The following RCN3 variants were observed in gnomAD, a reference collection of about 807,000 sequenced individuals.
RCN3 encodes reticulocalbin 3, also known as reticulocalbin-3.
A neutral mutation model predicts 35.9 loss-of-function variants in RCN3; 41 were observed. The ratio of observed to expected loss-of-function variants is 1.14; its 90% CI spans 0.89 to 1.48. RCN3 has a LOEUF of 1.48. RCN3 is among the 40% of genes most tolerant of loss of function. RCN3 has a pLI of 0.00. For synonymous variants in RCN3, 187 were observed against 193.4 expected (o/e 0.97, Z 0.27); for missense variants, 451 against 471.3 (o/e 0.96, Z 0.40).
At chr19:49,532,124 GAGACAGAGTCT>G (rs2080111259) in intron 2 of RCN3, among the ~76,000 whole-genome samples, 1 of 17,520 alleles carries the variant, frequency 5.7e-5, no homozygotes, top group Non-Finnish European at 1.1e-4. Flanking sequence ...TTTTTTTTTT[GAGACAGAGTCT>G]CACTCTGTCA....
intron 2 of RCN3, among the ~76,000 whole-genome samples, chr19:49,530,013 G>A (rs564850744): frequency 2.0e-5 from 3 of 152,052 alleles, no homozygotes; most frequent in South Asian, 2.1e-4. Flanking sequence ...GTGCAGTGAC[G>A]TGATCTCGGC....
chr19:49,532,965 C>T (rs772803820), intron 2 of RCN3, among the ~76,000 whole-genome samples: 1 of 152,204 alleles, frequency 6.6e-6, no homozygotes, highest in South Asian at 2.1e-4. Flanking sequence ...CGTGAGCCAC[C>T]GCGCCTGTCC....
At chr19:49,535,843 C>T (rs980336027) in intron 3 of RCN3, among the ~76,000 whole-genome samples, 1 of 136,984 alleles carries the variant, frequency 7.3e-6, no homozygotes, top group African/African-American at 2.9e-5. Context: ...GAGTGAGACT[C>T]TGTCTCAAAA....
chr19:49,542,103 T>G (rs2080165578), intron 5 of RCN3, among the ~76,000 whole-genome samples: 1 of 152,024 alleles, frequency 6.6e-6, no homozygotes, highest in Admixed American at 6.6e-5. Flanking sequence ...CTTGCTATGT[T>G]GCCCAGGTTG....
At chr19:49,539,879 C>G (rs186388469) in intron 5 of RCN3, among the ~76,000 whole-genome samples, 5 of 151,932 alleles carry the variant, frequency 3.3e-5, no homozygotes, top group African/African-American at 4.8e-5. Context: ...CCTGCCACCA[C>G]GCCTGGCTAA....
rs759373582 is a variant in RCN3, at chr19:49,528,482, C to T, written c.10C>T (p.Arg4Ter). The change falls in exon 2 of 7, where the codon CGA (arginine) becomes TGA (stop). Residue 4 changes from arginine (R) to a stop codon, truncating the protein, a stop_gained. Coordinates refer to ENST00000270645, the MANE Select transcript of RCN3 (RefSeq NM_020650.3). LOFTEE classifies it high-confidence loss of function. The part of the protein sequence containing the change: MMW[R>*]PSVLLLLLLL... Reference sequence around the variant, plus strand: ...CACTCCCCAGGGACCGATGATGTGGCGACCATCAGTTCTGCTGCTTCTGTT... The same window carrying T: ...CACTCCCCAGGGACCGATGATGTGGTGACCATCAGTTCTGCTGCTTCTGTT... 3.3e-6 allele frequency: 5 copies of T among 1,506,614 alleles called. No individual in the cohort carries two copies. The highest frequency in any genetic ancestry group is 1.4e-5 in the African/African-American group (1 of 70,502). The allele number at this position is 1,506,614 out of a possible 1,614,324, so 93.3% of individuals were successfully genotyped here.
intron 3 of RCN3, among the ~76,000 whole-genome samples, chr19:49,536,668 G>A (rs1306675801): frequency 2.7e-5 from 4 of 150,154 alleles, no homozygotes; most frequent in African/African-American, 9.8e-5. Flanking sequence ...GAAAGCAGTG[G>A]TGCAGTCTCA....
intron 3 of RCN3, 104 bp downstream of exon 3, chr19:49,534,499 C>T (rs2080125446): frequency 8.2e-7 from 1 of 1,218,458 alleles, no homozygotes; most frequent in Non-Finnish European, 1.1e-6. Context: ...AGTCCCTGGC[C>T]CCTAACCAGG....
intron 2 of RCN3, among the ~76,000 whole-genome samples, chr19:49,532,987 C>A (rs2080116435): frequency 6.6e-6 from 1 of 152,190 alleles, no homozygotes; most frequent in African/African-American, 2.4e-5. Flanking sequence ...GTCCTAAGTG[C>A]TTTACATGGC....
chr19:49,539,202 T>C (rs1363004792), intron 5 of RCN3, 23 bp downstream of exon 5: 1 of 1,593,748 alleles, frequency 6.3e-7, no homozygotes, highest in Non-Finnish European at 8.6e-7. Flanking sequence ...CAATTTCTTC[T>C]TGGGATGCCT....
At chr19:49,534,104 T>G (rs1223414008) in intron 2 of RCN3, 89 bp from the exon 3 acceptor site, 2 of 1,244,870 alleles carry the variant, frequency 1.6e-6, no homozygotes, top group Non-Finnish European at 2.1e-6. Context: ...CAGCCCCGGA[T>G]CCGAAGTGTC....
intron 2 of RCN3, among the ~76,000 whole-genome samples, chr19:49,529,338 T>G (rs980904799): frequency 1.3e-5 from 2 of 151,882 alleles, no homozygotes; most frequent in African/African-American, 4.8e-5. Context: ...GTGTGGAAAA[T>G]GAGGTTTGGC....
chr19:49,537,310 G>C lies in RCN3; in HGVS notation c.618+105G>C, dbSNP rs530223064. ...CCGACCTGGGGGCAGGCAGTCACCT[G>C]GTTCTCCAGCATCTTGCCGGGGAAG... On this transcript the variant is annotated intron_variant, in intron 4 of 6. Coordinates refer to ENST00000270645, the MANE Select transcript of RCN3 (RefSeq NM_020650.3). The C allele has an allele frequency of 5.8e-5, 68 of 1,171,746 alleles. 1 individual carries two copies. The South Asian group carries it at 1.2e-3, about 21-fold the overall frequency. 72.6% of individuals were successfully genotyped at this position (1,171,746 alleles called of 1,614,324 possible). A position where few individuals can be genotyped will look rare whatever the true frequency, so the allele number is the denominator to read the frequency against.
intron 5 of RCN3, 63 bp from the exon 6 acceptor site, chr19:49,542,490 C>T: frequency 8.2e-7 from 1 of 1,213,918 alleles, no homozygotes; most frequent in South Asian, 1.4e-5. Flanking sequence ...CCAGGATCAG[C>T]CCCCAGCTCC....
At position 49,534,291 on chromosome 19, in the gene RCN3, T is replaced by G. The variant is rs555967695; in HGVS notation, c.341T>G (p.Ile114Arg). 3 of 1,484,018 alleles carry G rather than the reference T, an allele frequency of 2.0e-6. No homozygotes were observed. Among genetic ancestry groups the G allele is most frequent in the Non-Finnish European group, 2.7e-6 (3 of 1,119,432 alleles). The allele number at this position is 1,484,018 out of a possible 1,614,324, so 91.9% of individuals were successfully genotyped here. A position where few individuals can be genotyped will look rare whatever the true frequency, so the allele number is the denominator to read the frequency against. ...ATCGCGCACACGCAGCAGCGGCACA[T>G]ACGGGACTCGGTGAGCGCGGCCTGG... Reference protein sequence around the residue: ...AWIAHTQQRHIRDSVSAAWDT... With the variant: ...AWIAHTQQRHRRDSVSAAWDT... Residue 114 changes from isoleucine (I) to arginine (R), a missense_variant, in exon 3 of 7, where the codon ATA becomes AGA. By Grantham distance (97) the Ile-to-Arg change is moderately conservative. Transcript: ENST00000270645.
chr19:49,543,471 C>G lies in RCN3; in HGVS notation c.*258C>G, dbSNP rs1390255487. The G allele has an allele frequency of 2.0e-6, 1 of 512,772 alleles. No homozygotes were observed. Among genetic ancestry groups the G allele is most frequent in the Non-Finnish European group, 3.5e-6 (1 of 282,750 alleles). The allele number at this position is 512,772 out of a possible 1,614,324, so 31.8% of individuals were successfully genotyped here. On this transcript the variant is annotated 3_prime_UTR_variant, in exon 7 of 7. Coordinates refer to ENST00000270645, the MANE Select transcript of RCN3 (RefSeq NM_020650.3). ...AGTCTCCCAGCCCAGACCCAGGGAC[C>G]CTTGGCCCCAAGCTCAGCTCTAAGA...
In RCN3 at chr19:49,534,405, G is replaced by A. The variant is rs1173293498; in HGVS notation, c.445+10G>A. ...GGCCACTACGCGCCCGGTACGCGGC[G>A]AGCCCCCGACCCTGCTCCCCATACA... On this transcript the variant is annotated intron_variant, in intron 3 of 6. Coordinates refer to ENST00000270645, the MANE Select transcript of RCN3 (RefSeq NM_020650.3). 1 of 1,537,324 alleles carries A rather than the reference G, an allele frequency of 6.5e-7. No individual in the cohort carries two copies. Among genetic ancestry groups the A allele is most frequent in the Non-Finnish European group, 8.7e-7 (1 of 1,145,004 alleles).
At chr19:49,528,093 A>AGGGCGGCTCG (rs147818341) in intron 1 of RCN3, 35 bp downstream of exon 1, 21,527 of 211,606 alleles carry the variant, frequency 0.1, 1,391 homozygotes, top group Admixed American at 0.17. Context: ...CTGTCCAGGG[A>AGGGCGGCTCG]GGGCGGCTCG....
At chr19:49,541,847 G>A (rs2080164177) in intron 5 of RCN3, among the ~76,000 whole-genome samples, 2 of 151,952 alleles carry the variant, frequency 1.3e-5, no homozygotes, top group African/African-American at 4.8e-5. Flanking sequence ...GGGTGTGGTG[G>A]CACGCACCTG....
Sources: gnomAD v4.1 joint callset for allele counts (sites outside exome capture counted in the v4.1 genomes callset) on GRCh38, gnomAD v4.1.1 for gene constraint, MANE v1.5 for transcripts, NCBI Gene and HGNC (gene_info 2026-07-23, HGNC 2026-07-21) for gene names.